NTN4: variants seen among roughly 807,000 people sequenced by gnomAD.
NTN4 encodes the protein netrin-4.
NTN4 carries 32 observed loss-of-function variants against 73.6 expected under a neutral mutation model. That is an observed-to-expected ratio of 0.44 (90% CI 0.33 to 0.58). NTN4 has a LOEUF of 0.58. Among genes scored for constraint, NTN4 ranks in the 20% least tolerant of loss-of-function variants. The probability of loss-of-function intolerance (pLI) is 0.04; values close to 1 mark genes in which losing one functional copy is unlikely to be tolerated. For synonymous variants in NTN4, 258 were observed against 287.5 expected (o/e 0.90, Z 1.04); for missense variants, 654 against 798.3 (o/e 0.82, Z 2.18).
intron 5 of NTN4, among the ~76,000 whole-genome samples, chr12:95,693,450 G>A (rs1016031705): frequency 1.4e-4 from 22 of 152,142 alleles, no homozygotes; most frequent in African/African-American, 4.8e-4. Context: ...TAACTTATTG[G>A]CCAGGTGCGG....
intron 4 of NTN4, among the ~76,000 whole-genome samples, chr12:95,711,565 A>G (rs2078565524): frequency 1.3e-5 from 2 of 152,238 alleles, no homozygotes; most frequent in Admixed American, 1.3e-4. Flanking sequence ...TAAGTTGGCA[A>G]GTAGATTGAT....
intron 2 of NTN4, among the ~76,000 whole-genome samples, chr12:95,748,077 A>G (rs2078874621): frequency 6.6e-6 from 1 of 151,782 alleles, no homozygotes; most frequent in South Asian, 2.1e-4. Context: ...TAAAAATACG[A>G]AACATTAGCT....
intron 5 of NTN4, among the ~76,000 whole-genome samples, chr12:95,705,387 G>A (rs2078515518): frequency 6.6e-6 from 1 of 152,102 alleles, no homozygotes; most frequent in African/African-American, 2.4e-5. Context: ...CTTGCTCCCT[G>A]ACTGAGATGT....
At chr12:95,690,579 T>C (rs1341589142) in intron 5 of NTN4, among the ~76,000 whole-genome samples, 1 of 152,204 alleles carries the variant, frequency 6.6e-6, no homozygotes, top group Admixed American at 6.5e-5. Flanking sequence ...AAAGCACTAT[T>C]GATTTATGGT....
At chr12:95,697,524 A>C (rs1459243232) in intron 5 of NTN4, among the ~76,000 whole-genome samples, 2 of 151,920 alleles carry the variant, frequency 1.3e-5, no homozygotes, top group Non-Finnish European at 2.9e-5. Context: ...AGTCATTTCC[A>C]TCTTTCCTAT....
intron 2 of NTN4, among the ~76,000 whole-genome samples, chr12:95,741,761 G>A (rs1416543077): frequency 6.6e-6 from 1 of 151,396 alleles, no homozygotes; most frequent in Admixed American, 6.6e-5. Context: ...TAAAATTTAT[G>A]TAAATGTGGT....
intron 9 of NTN4, among the ~76,000 whole-genome samples, chr12:95,659,648 T>C (rs908096368): frequency 2.6e-5 from 4 of 152,072 alleles, no homozygotes; most frequent in African/African-American, 9.7e-5. Flanking sequence ...TAAGAAACAT[T>C]AATAGCTGCC....
chr12:95,735,041 A>AAAAAC (rs946667283), intron 3 of NTN4, among the ~76,000 whole-genome samples: 1 of 152,222 alleles, frequency 6.6e-6, no homozygotes, highest in South Asian at 2.1e-4. Flanking sequence ...CTCCATCTCA[A>AAAAAC]AAAACAAAAC....
At chr12:95,731,950 A>C (rs751252115) in intron 3 of NTN4, among the ~76,000 whole-genome samples, 3 of 152,228 alleles carry the variant, frequency 2.0e-5, no homozygotes, top group Non-Finnish European at 4.4e-5. Context: ...TAATACTTGT[A>C]GCATGACAGC....
chr12:95,719,693 T>A (rs2078632514), intron 3 of NTN4, among the ~76,000 whole-genome samples: 2 of 152,228 alleles, frequency 1.3e-5, no homozygotes, highest in Non-Finnish European at 2.9e-5. Context: ...ACATGTTTTT[T>A]CATTAACGAA....
At chr12:95,737,233 G>C (rs1018343924) in intron 3 of NTN4, among the ~76,000 whole-genome samples, 2 of 152,092 alleles carry the variant, frequency 1.3e-5, no homozygotes, top group African/African-American at 4.8e-5. Context: ...CACCTACTGA[G>C]CACCTACTTC....
At chr12:95,680,358 A>G (rs562409119) in intron 7 of NTN4, among the ~76,000 whole-genome samples, 34 of 152,374 alleles carry the variant, frequency 2.2e-4, no homozygotes, top group African/African-American at 7.9e-4. Context: ...GGCCAAGAAT[A>G]AAGACAGGTA....
At chr12:95,770,083 A>G (rs1014472231) in intron 2 of NTN4, among the ~76,000 whole-genome samples, 5 of 152,138 alleles carry the variant, frequency 3.3e-5, no homozygotes, top group Non-Finnish European at 4.4e-5. Flanking sequence ...TACTTATTAA[A>G]TTAGGTTACA....
chr12:95,682,615 A>C, intron 7 of NTN4, 92 bp downstream of exon 7: 1 of 768,584 alleles, frequency 1.3e-6, no homozygotes. Flanking sequence ...AGTTCCCCTC[A>C]TAGGATCCAA....
chr12:95,706,102 GT>G (rs763551708), intron 5 of NTN4, among the ~76,000 whole-genome samples: 2 of 152,174 alleles, frequency 1.3e-5, no homozygotes, highest in Non-Finnish European at 1.5e-5. Context: ...TTTTGCACAA[GT>G]CTCTAGATGA....
At chr12:95,675,458 G>A (rs1009438607) in intron 7 of NTN4, among the ~76,000 whole-genome samples, 1 of 147,422 alleles carries the variant, frequency 6.8e-6, no homozygotes, top group Non-Finnish European at 1.5e-5. Flanking sequence ...TTTTCTGGAT[G>A]TCTGAAATTT....
intron 2 of NTN4, among the ~76,000 whole-genome samples, chr12:95,746,688 T>G (rs547856501): frequency 6.6e-6 from 1 of 152,314 alleles, no homozygotes; most frequent in African/African-American, 2.4e-5. Flanking sequence ...GAACTCTACC[T>G]TGCAAACTCT....
Position 95,659,012 on chromosome 12 carries a change from G to T in NTN4, c.*74C>A, listed in dbSNP as rs187064564. 8 of 1,434,212 alleles carry T rather than the reference G, an allele frequency of 5.6e-6. No homozygotes were observed. In the African/African-American group the frequency reaches 1.1e-4, roughly 20 times the overall value. 88.8% of individuals were successfully genotyped at this position (1,434,212 alleles called of 1,614,324 possible). On this transcript the variant is annotated 3_prime_UTR_variant, in exon 10 of 10. Transcript: ENST00000343702. ...GCACTTTAAAAAATTCCAGTTTCCT[G>T]TCTGAGGTCTTCTTGCTCTAAAGTT...
At chr12:95,774,485 T>C (rs903849986) in intron 2 of NTN4, among the ~76,000 whole-genome samples, 8 of 152,332 alleles carry the variant, frequency 5.3e-5, no homozygotes, top group East Asian at 1.9e-4. Context: ...ACTGTGGAGA[T>C]AGGCATGAAC....
Sources: allele counts gnomAD v4.1 joint callset (sites outside exome capture counted in the v4.1 genomes callset), GRCh38; gene constraint gnomAD v4.1.1; transcripts MANE v1.5; gene names NCBI Gene and HGNC (gene_info 2026-07-23, HGNC 2026-07-21).